Variants in MYCBP2 observed in about 807,000 individuals in gnomAD.
MYCBP2 encodes E3 ubiquitin-protein ligase MYCBP2.
In MYCBP2, 120 loss-of-function variants were observed where a neutral mutation model predicts 525.3. That is an observed-to-expected ratio of 0.23 (90% CI 0.20 to 0.27). MYCBP2 has a LOEUF of 0.27. Among genes scored for constraint, MYCBP2 ranks in the 10% least tolerant of loss-of-function variants. The pLI is 1.00. For synonymous variants in MYCBP2, 1,894 were observed against 1,955.8 expected (o/e 0.97, Z 0.83); for missense variants, 4,149 against 5,657.1 (o/e 0.73, Z 8.55).
At chr13:77,164,989 TA>T (rs1452730599) in intron 42 of MYCBP2, among the ~76,000 whole-genome samples, 1 of 152,160 alleles carries the variant, frequency 6.6e-6, no homozygotes, top group East Asian at 1.9e-4. Flanking sequence ...CCACTGCACA[TA>T]AACTACAAAA....
intron 1 of MYCBP2, among the ~76,000 whole-genome samples, chr13:77,316,269 A>G (rs1465490856): frequency 6.6e-6 from 1 of 152,268 alleles, no homozygotes. Flanking sequence ...ATATATTCAT[A>G]TCAAACAACT....
chr13:77,276,810 T>C (rs1252612298), intron 4 of MYCBP2, among the ~76,000 whole-genome samples: 3 of 133,528 alleles, frequency 2.2e-5, no homozygotes, highest in Non-Finnish European at 4.7e-5. Context: ...CTCATTTCCA[T>C]GCCCAGTTTT....
rs1455315274 is a variant in MYCBP2 at position 77,045,344 on chromosome 13, AT to A, written c.*33del. 5 of 1,543,658 alleles carry A rather than the reference AT, an allele frequency of 3.2e-6. No individual in the cohort carries two copies. The African/African-American group carries it at 6.8e-5, about 21-fold the overall frequency. ...CGCATCCTCTTGGGGGATGAAGGCAATTTTTCTCTCTGTAGACAAAGGATCT... is the reference window on the plus strand; with the variant it reads ...CGCATCCTCTTGGGGGATGAAGGCAATTTTCTCTCTGTAGACAAAGGATCT... On this transcript the variant is annotated 3_prime_UTR_variant, in exon 83 of 83. Transcript: ENST00000544440.
chr13:77,098,335 G>C lies in MYCBP2; in HGVS notation c.8819C>G (p.Thr2940Ser). ...SEVVEVCTSS[T>S]LKTNSLTDST... ...GTCTGTTAGACTATTTGTTTTTAAA[G>C]TACTTGAGGTGCAGACTTCGACCAC... The change falls in exon 56 of 83, where the codon ACT (threonine) becomes AGT (serine). Residue 2940 changes from threonine to serine, a missense_variant. Around this residue, in one of 21 missense-constraint regions of MYCBP2, gnomAD observed 653 missense variants for 744.7 expected, o/e 0.88. Transcript: ENST00000544440. 1.9e-6 allele frequency: 3 copies of C among 1,611,802 alleles called. No individual in the cohort carries two copies. The South Asian group carries it at 3.3e-5, about 18-fold the overall frequency.
At chr13:77,116,650 T>C (rs1397495384) in intron 55 of MYCBP2, among the ~76,000 whole-genome samples, 2 of 152,024 alleles carry the variant, frequency 1.3e-5, no homozygotes, top group African/African-American at 4.8e-5. Context: ...AAATTGCTAA[T>C]TGAAACATAG....
intron 45 of MYCBP2, among the ~76,000 whole-genome samples, chr13:77,156,834 A>G (rs1309696684): frequency 6.6e-6 from 1 of 152,248 alleles, no homozygotes; most frequent in Non-Finnish European, 1.5e-5. Context: ...TCTACCATGC[A>G]TTACATAAAA....
chr13:77,055,862 AG>A (rs2037850510), intron 79 of MYCBP2, 95 bp from the exon 80 acceptor site: 1 of 803,388 alleles, frequency 1.2e-6, no homozygotes, highest in Non-Finnish European at 2.0e-6. Context: ...TTGTGCTAGA[AG>A]ATAACCAGAC....
In MYCBP2 at chr13:77,146,203, A is replaced by G. The variant is rs762588117; in HGVS notation, c.7146T>C (p.Tyr2382=). The part of the protein sequence containing the change: ...AITMMKVYEN[Y]SFEELRFASP... ...ATGCAAAACGTAGTTCTTCAAATGA[A>G]TAATTTTCATAAACCTTTAAGAAAG... Residue 2382 remains tyrosine, a synonymous_variant, in exon 48 of 83, where the codon TAT becomes TAC. Coordinates refer to ENST00000544440, the MANE Select transcript of MYCBP2 (RefSeq NM_015057.5). 5.6e-6 allele frequency: 9 copies of G among 1,595,126 alleles called. No individual in the cohort carries two copies. Among genetic ancestry groups the G allele is most frequent in the Non-Finnish European group, 7.7e-6 (9 of 1,171,754 alleles).
At chr13:77,214,377 C>G (rs1376438976) in intron 21 of MYCBP2, among the ~76,000 whole-genome samples, 1 of 151,724 alleles carries the variant, frequency 6.6e-6, no homozygotes, top group Non-Finnish European at 1.5e-5. Flanking sequence ...TTGGAAACCA[C>G]GTAAATATAT....
At chr13:77,167,655 C>A (rs1258877282) in intron 40 of MYCBP2, among the ~76,000 whole-genome samples, 1 of 152,114 alleles carries the variant, frequency 6.6e-6, no homozygotes. Flanking sequence ...TGTGATAATA[C>A]TATGGTTATA....
chr13:77,092,431 A>G (rs1298794377), intron 59 of MYCBP2: 2 of 152,000 alleles, frequency 1.3e-5, no homozygotes, highest in East Asian at 3.9e-4. Context: ...TCGTCCTCTA[A>G]AAAAGTTTCA....
chr13:77,152,958 G>A (rs543689447), intron 46 of MYCBP2, among the ~76,000 whole-genome samples: 76 of 151,664 alleles, frequency 5.0e-4, no homozygotes, highest in African/African-American at 1.4e-3. Context: ...TCAGCTACTC[G>A]GGAGGCTGAG....
intron 1 of MYCBP2, among the ~76,000 whole-genome samples, chr13:77,300,970 TAATA>T (rs1180018716): frequency 1.3e-5 from 2 of 152,254 alleles, no homozygotes; most frequent in East Asian, 3.9e-4. Context: ...AGAGGAACTC[TAATA>T]AAGGAAACAA....
rs2046501729 is a variant in MYCBP2 at position 77,098,052 on chromosome 13, C to T, written c.9102G>A (p.Val3034=). The change falls in exon 56 of 83, where the codon GTG becomes GTA. Residue 3034 remains valine, a synonymous_variant. Transcript: ENST00000544440. ...SPSVAECARA[V]FASFLWHEGI... ...CTTCATGCCAGAGGAAGGAAGCAAA[C>T]ACAGCTCTGGCACATTCGGCCACAG... is the stretch of plus-strand genomic sequence containing the variant. 1.2e-6 allele frequency: 2 copies of T among 1,613,456 alleles called. No homozygotes were observed. Among genetic ancestry groups the T allele is most frequent in the Admixed American group, 1.7e-5 (1 of 59,892 alleles).
At chr13:77,099,163 G>A (rs1447377140) in intron 55 of MYCBP2, 150 bp from the exon 56 acceptor site, 2 of 1,051,766 alleles carry the variant, frequency 1.9e-6, no homozygotes, top group African/African-American at 3.2e-5. Context: ...AGGAAAGAAG[G>A]GGGAAATATT....
Position 77,045,288 on chromosome 13 carries a change from G to T in MYCBP2, c.*90C>A. On this transcript the variant is annotated 3_prime_UTR_variant, in exon 83 of 83. Coordinates refer to ENST00000544440, the MANE Select transcript of MYCBP2 (RefSeq NM_015057.5). ...TTTTCATGGATGTAAAAATGGTCCCGTCCTTATCCTGAGCAGAGTTTAAAC... is the reference window on the plus strand; with the variant it reads ...TTTTCATGGATGTAAAAATGGTCCCTTCCTTATCCTGAGCAGAGTTTAAAC... The T allele has an allele frequency of 2.5e-6, 2 of 810,992 alleles. No homozygotes were observed. Among genetic ancestry groups the T allele is most frequent in the Non-Finnish European group, 4.1e-6 (2 of 486,062 alleles). The allele number at this position is 810,992 out of a possible 1,614,324, so 50.2% of individuals were successfully genotyped here.
At chr13:77,259,092 T>TAAAAATACA (rs1418395203) in intron 13 of MYCBP2, among the ~76,000 whole-genome samples, 3 of 152,032 alleles carry the variant, frequency 2.0e-5, no homozygotes, top group African/African-American at 7.2e-5. Flanking sequence ...TCGTCTCTAC[T>TAAAAATACA]AAAAATACAA....
In MYCBP2 at chr13:77,090,576, C is replaced by T. The variant is rs913402891; in HGVS notation, c.10368-313G>A. The T allele has an allele frequency of 4.4e-5, 8 of 182,144 alleles. No homozygotes were observed. The East Asian group carries it at 1.1e-3, about 26-fold the overall frequency. 11.3% of individuals were successfully genotyped at this position (182,144 alleles called of 1,614,324 possible). A position where few individuals can be genotyped will look rare whatever the true frequency, so the allele number is the denominator to read the frequency against. Reference sequence around the variant, plus strand: ...GGTGGAATTCATGTATCATAATATTCAGGAAAAACAGTCAGATATAATCGT... The same window carrying T: ...GGTGGAATTCATGTATCATAATATTTAGGAAAAACAGTCAGATATAATCGT... On this transcript the variant is annotated intron_variant, in intron 59 of 82. Transcript: ENST00000544440.
intron 40 of MYCBP2, among the ~76,000 whole-genome samples, chr13:77,167,106 G>A (rs1432048366): frequency 6.6e-6 from 1 of 151,906 alleles, no homozygotes; most frequent in Non-Finnish European, 1.5e-5. Flanking sequence ...AGAGAAAGGA[G>A]ACTGAGGTGT....
Sources: gnomAD v4.1 joint callset for allele counts (sites outside exome capture counted in the v4.1 genomes callset) on GRCh38, gnomAD v4.1.1 for gene constraint, gnomAD v4.1.1 regional missense constraint, MANE v1.5 for transcripts, NCBI Gene and HGNC (gene_info 2026-07-23, HGNC 2026-07-21) for gene names.